Variants in CAND1 observed in about 807,000 individuals in gnomAD.
CAND1 encodes cullin associated and neddylation dissociated 1.
A neutral mutation model predicts 108.5 loss-of-function variants in CAND1; 7 were observed. The ratio of observed to expected loss-of-function variants is 0.06; its 90% confidence interval spans 0.04 to 0.12. The LOEUF (loss-of-function observed/expected upper bound fraction) is 0.12. CAND1 is among the 10% of genes least tolerant of loss of function. The probability of loss-of-function intolerance (pLI) is 1.00; values close to 1 mark genes in which losing one functional copy is unlikely to be tolerated. For synonymous variants in CAND1, 534 were observed against 512.0 expected, an observed-to-expected ratio of 1.04 and a Z score of -0.58; for missense variants, 941 against 1,448.7, an observed-to-expected ratio of 0.65 and a Z score of 5.69.
rs1440611422 is a variant in CAND1, at chr12:67,316,377, CAT to C, written c.*3550_*3551del. 1.3e-5 allele frequency: 2 copies of C among 152,126 alleles called. No homozygotes were observed. The highest frequency in any genetic ancestry group is 1.5e-5 in the Non-Finnish European group (1 of 68,014). The allele number at this position is 152,126 out of a possible 1,614,324, so 9.4% of individuals were successfully genotyped here. ...TCTTAAAGGAAATGCAAAATGAAATCATATGTTTTCCTTTTCCAATACAGTAA... is the reference window on the plus strand; with the variant it reads ...TCTTAAAGGAAATGCAAAATGAAATCATGTTTTCCTTTTCCAATACAGTAA... On this transcript the variant is annotated 3_prime_UTR_variant, in exon 15 of 15. Transcript: ENST00000545606.
At chr12:67,275,362 A>C (rs1396503556) in intron 1 of CAND1, among the ~76,000 whole-genome samples, 2 of 152,028 alleles carry the variant, frequency 1.3e-5, no homozygotes, top group Non-Finnish European at 2.9e-5. Flanking sequence ...CCCCATCTCT[A>C]CTAAAAATAC....
At chr12:67,295,796 A>G (rs2136008010) in intron 4 of CAND1, among the ~76,000 whole-genome samples, 1 of 152,256 alleles carries the variant, frequency 6.6e-6, no homozygotes, top group Non-Finnish European at 1.5e-5. Flanking sequence ...GTGTGTGTGT[A>G]TAAAGTGAGG....
intron 2 of CAND1, among the ~76,000 whole-genome samples, chr12:67,285,031 T>C (rs1320705603): frequency 6.6e-6 from 1 of 152,212 alleles, no homozygotes; most frequent in Non-Finnish European, 1.5e-5. Context: ...ATGTAAAATT[T>C]ACAAAGTTAG....
intron 8 of CAND1, among the ~76,000 whole-genome samples, chr12:67,302,901 C>T (rs2044839979): frequency 6.6e-6 from 1 of 152,164 alleles, no homozygotes; most frequent in Non-Finnish European, 1.5e-5. Context: ...AGTCATACTA[C>T]TTGCGATCAC....
intron 1 of CAND1, among the ~76,000 whole-genome samples, chr12:67,273,740 G>T (rs1483206100): frequency 1.3e-5 from 2 of 152,184 alleles, no homozygotes; most frequent in African/African-American, 4.8e-5. Flanking sequence ...GCCTCCCAAA[G>T]TGCTGGGATT....
At chr12:67,279,248 C>T (rs2044598340) in intron 1 of CAND1, among the ~76,000 whole-genome samples, 1 of 151,758 alleles carries the variant, frequency 6.6e-6, no homozygotes, top group Admixed American at 6.6e-5. Flanking sequence ...CCTTTGAGAT[C>T]CAACCTAACA....
rs2044864324 is a variant in CAND1, at chr12:67,305,018, A to G, written c.1436-86A>G. 2 of 1,100,206 alleles carry G rather than the reference A, an allele frequency of 1.8e-6. No individual in the cohort carries two copies. The highest frequency in any genetic ancestry group is 2.4e-5 in the Admixed American group (1 of 41,140). 68.2% of individuals were successfully genotyped at this position (1,100,206 alleles called of 1,614,324 possible). A position where few individuals can be genotyped will look rare whatever the true frequency, so the allele number is the denominator to read the frequency against. Reference sequence around the variant, plus strand: ...AGAAATAATATAATGAAGTGGGAACATTAGCAGTACTATAGGGGTTGATTT... The same window carrying G: ...AGAAATAATATAATGAAGTGGGAACGTTAGCAGTACTATAGGGGTTGATTT... On this transcript the variant is annotated intron_variant, in intron 9 of 14. Coordinates refer to ENST00000545606, the MANE Select transcript of CAND1 (RefSeq NM_018448.5). This position sits in a 1 kb window ranked among gnomAD's most constrained non-coding sequence, Gnocchi z 4.4.
rs983846355 is a variant in CAND1, at chr12:67,277,403, G to A, written c.69-4507G>A. Among the ~76,000 whole-genome samples, 12 of 152,076 alleles carry A rather than the reference G, an allele frequency of 7.9e-5. No homozygotes were observed. In the East Asian group the frequency reaches 2.3e-3, roughly 29 times the overall value. ...CTGATTTATTAACATTGAATTCACA[G>A]CCAATAAAGAAGCTTATCTAACACA... On this transcript the variant is annotated intron_variant, in intron 1 of 14. Transcript: ENST00000545606.
chr12:67,306,368 T>C lies in CAND1; in HGVS notation c.2700T>C (p.Thr900=). ...EYLPFVLQEI[T]SQPKRQYLLL... is the part of the protein sequence containing the mutation. The stretch of plus-strand genomic sequence containing the variant: ...TGCCGTTTGTCCTGCAAGAAATAAC[T>C]AGTCAACCCAAAAGGCAGTATCTTT... Residue 900 remains threonine (T), a synonymous_variant, in exon 10 of 15, where the codon ACT becomes ACC. Coordinates refer to ENST00000545606, the MANE Select transcript of CAND1 (RefSeq NM_018448.5). The C allele has an allele frequency of 6.2e-7, 1 of 1,614,118 alleles. No homozygotes were observed. Among genetic ancestry groups the C allele is most frequent in the Non-Finnish European group, 8.5e-7 (1 of 1,179,970 alleles).
At chr12:67,302,754 G>A (rs1011298417) in intron 8 of CAND1, 139 bp downstream of exon 8, 1 of 653,644 alleles carries the variant, frequency 1.5e-6, no homozygotes, top group Admixed American at 2.9e-5. Flanking sequence ...GTTAATGCAT[G>A]TTCATATTAT....
At chr12:67,309,286 T>C (rs1043512602) in intron 11 of CAND1, among the ~76,000 whole-genome samples, 2 of 151,994 alleles carry the variant, frequency 1.3e-5, no homozygotes, top group African/African-American at 2.4e-5. Context: ...TTAAAATACC[T>C]AGATGGCTTC....
chr12:67,290,281 C>T (rs2044710533), intron 2 of CAND1, among the ~76,000 whole-genome samples: 2 of 152,050 alleles, frequency 1.3e-5, no homozygotes, highest in African/African-American at 4.8e-5. Flanking sequence ...AAGGCCAAGG[C>T]GGGTGGATCA....
Position 67,269,487 on chromosome 12 carries a change from G to GCGAAC in CAND1, c.-231_-230insCGAAC. On this transcript the variant is annotated 5_prime_UTR_variant, in exon 1 of 15. An upstream open reading frame in the 5' UTR loses its in-frame stop. Transcript: ENST00000545606. Reference sequence around the variant, plus strand: ...AGCTCGTTCTCACGCGAACAGCGCCGTCGTTAGGCTGGCTCTGTAGCCTCG... The same window carrying GCGAAC: ...AGCTCGTTCTCACGCGAACAGCGCCGCGAACTCGTTAGGCTGGCTCTGTAGCCTCG... 1.9e-6 allele frequency: 1 copy of GCGAAC among 523,176 alleles called. No individual in the cohort carries two copies. The highest frequency in any genetic ancestry group is 2.5e-5 in the South Asian group (1 of 40,734). The allele number at this position is 523,176 out of a possible 1,614,324, so 32.4% of individuals were successfully genotyped here. A position where few individuals can be genotyped will look rare whatever the true frequency, so the allele number is the denominator to read the frequency against.
At chr12:67,287,159 T>C (rs2044679428) in intron 2 of CAND1, among the ~76,000 whole-genome samples, 1 of 152,218 alleles carries the variant, frequency 6.6e-6, no homozygotes, top group South Asian at 2.1e-4. Context: ...GCAGCATCCC[T>C]GGCCAATAGC....
rs2136016666 is a variant in CAND1, at chr12:67,305,032, AG to A, written c.1436-68del. 1 of 1,266,302 alleles carries A rather than the reference AG, an allele frequency of 7.9e-7. No individual in the cohort carries two copies. Among genetic ancestry groups the A allele is most frequent in the East Asian group, 2.3e-5 (1 of 43,110 alleles). The allele number at this position is 1,266,302 out of a possible 1,614,324, so 78.4% of individuals were successfully genotyped here. On this transcript the variant is annotated intron_variant, in intron 9 of 14. Coordinates refer to ENST00000545606, the MANE Select transcript of CAND1 (RefSeq NM_018448.5). This position sits in a 1 kb window ranked among gnomAD's most constrained non-coding sequence, Gnocchi z 4.4. The stretch of plus-strand genomic sequence containing the variant: ...GAAGTGGGAACATTAGCAGTACTAT[AG>A]GGGTTGATTTTTAATTTTTCTTTCT...
At chr12:67,272,938 A>C (rs1160071029) in intron 1 of CAND1, among the ~76,000 whole-genome samples, 5 of 151,656 alleles carry the variant, frequency 3.3e-5, no homozygotes, top group Non-Finnish European at 7.4e-5. Context: ...CTCGTGATCC[A>C]CCCGCCTGGG....
In CAND1 at chr12:67,299,105, A is replaced by G. The variant is rs1219634194; in HGVS notation, c.1000+10A>G. ...GATGATGATGATCAAGGTATTGCAA[A>G]TTAAATAGAATCTTTTGAGTTTTTG... is the stretch of plus-strand genomic sequence containing the variant. On this transcript the variant is annotated intron_variant, in intron 7 of 14. Coordinates refer to ENST00000545606, the MANE Select transcript of CAND1 (RefSeq NM_018448.5). 4.0e-6 allele frequency: 6 copies of G among 1,510,770 alleles called. No homozygotes were observed. In the African/African-American group the frequency reaches 8.5e-5, roughly 21 times the overall value. 93.6% of individuals were successfully genotyped at this position (1,510,770 alleles called of 1,614,324 possible).
chr12:67,270,221 T>C (rs1322334596), intron 1 of CAND1: 1 of 163,220 alleles, frequency 6.1e-6, no homozygotes, highest in Non-Finnish European at 1.3e-5. Context: ...CCCAAGCTGC[T>C]GCCCACTCGG....
chr12:67,313,944 A>G lies in CAND1; in HGVS notation c.*1114A>G, dbSNP rs555050212. 23 of 152,694 alleles carry G rather than the reference A, an allele frequency of 1.5e-4. No homozygotes were observed. The highest frequency in any genetic ancestry group is 2.6e-4 in the Non-Finnish European group (18 of 67,992). The allele number at this position is 152,694 out of a possible 1,614,324, so 9.5% of individuals were successfully genotyped here. On this transcript the variant is annotated 3_prime_UTR_variant, in exon 15 of 15. Transcript: ENST00000545606. ...CCTGTAGAGCGAATTTACATATTGT[A>G]TTGGGTAAGTGTTCACTACTTTTCC...
Sources: allele counts gnomAD v4.1 joint callset (sites outside exome capture counted in the v4.1 genomes callset), GRCh38; gene constraint gnomAD v4.1.1; non-coding constraint Gnocchi (gnomAD v3.1); transcripts MANE v1.5; gene names NCBI Gene and HGNC (gene_info 2026-07-23, HGNC 2026-07-21).